Variants in KIAA1328 observed in about 807,000 individuals in gnomAD.
KIAA1328 encodes KIAA1328, also known as protein hinderin.
In KIAA1328, 52 loss-of-function variants were observed where a neutral mutation model predicts 68.1. The observed-to-expected ratio is 0.76, with a 90% CI of 0.61 to 0.96. KIAA1328 has a LOEUF of 0.96. Ranked by LOEUF, KIAA1328 falls within the 40% of genes least tolerant of loss-of-function variation. The probability of loss-of-function intolerance (pLI) is 0.00; values close to 1 mark genes in which losing one functional copy is unlikely to be tolerated. For missense variants in KIAA1328, 641 were observed against 677.6 expected (o/e 0.95, Z 0.60); for synonymous variants, 232 against 239.4 (o/e 0.97, Z 0.28).
At position 37,222,836 on chromosome 18, in the gene KIAA1328, G is replaced by T. The variant is rs1342254792; in HGVS notation, c.*609G>T. 2 of 989,614 alleles carry T rather than the reference G, an allele frequency of 2.0e-6. No homozygotes were observed. Among genetic ancestry groups the T allele is most frequent in the Non-Finnish European group, 2.4e-6 (2 of 833,036 alleles). 61.3% of individuals were successfully genotyped at this position (989,614 alleles called of 1,614,324 possible). Reference sequence around the variant, plus strand: ...CAGCTGCCCATCCCATAACCAAAGAGCTCAATGGGCTGGAGGGTGAGACCC... The same window carrying T: ...CAGCTGCCCATCCCATAACCAAAGATCTCAATGGGCTGGAGGGTGAGACCC... On this transcript the variant is annotated 3_prime_UTR_variant, in exon 10 of 10. Coordinates refer to ENST00000280020, the MANE Select transcript of KIAA1328 (RefSeq NM_020776.3).
intron 8 of KIAA1328, among the ~76,000 whole-genome samples, chr18:37,162,046 G>C (rs1198613816): frequency 1.3e-5 from 2 of 152,182 alleles, no homozygotes; most frequent in African/African-American, 4.8e-5. Context: ...CAGGGGTTCA[G>C]AACCCATTAC....
chr18:37,178,287 C>T (rs1047049594), intron 9 of KIAA1328, among the ~76,000 whole-genome samples: 1 of 152,122 alleles, frequency 6.6e-6, no homozygotes, highest in Non-Finnish European at 1.5e-5. Context: ...ATCCCACATA[C>T]AAGTGAGATT....
intron 4 of KIAA1328, among the ~76,000 whole-genome samples, chr18:36,857,381 C>G (rs1458626166): frequency 1.3e-5 from 2 of 152,194 alleles, no homozygotes; most frequent in Non-Finnish European, 2.9e-5. Flanking sequence ...GCTTGGAAAT[C>G]TGCTCTAGCC....
intron 6 of KIAA1328, among the ~76,000 whole-genome samples, chr18:37,053,427 CA>C (rs1436042399): frequency 6.6e-6 from 1 of 151,938 alleles, no homozygotes; most frequent in East Asian, 1.9e-4. Flanking sequence ...TTGGCCTAAG[CA>C]AAGAATTTAT....
intron 9 of KIAA1328, among the ~76,000 whole-genome samples, chr18:37,182,071 A>G (rs1026875215): frequency 1.3e-5 from 2 of 152,112 alleles, no homozygotes; most frequent in African/African-American, 2.4e-5. Context: ...AGGGTACTGA[A>G]CTCTGAAAAC....
intron 9 of KIAA1328, among the ~76,000 whole-genome samples, chr18:37,221,129 C>G (rs2060555092): frequency 6.6e-6 from 1 of 152,100 alleles, no homozygotes; most frequent in African/African-American, 2.4e-5. Context: ...ACCCGGCCCC[C>G]AGAATGTTTT....
At chr18:37,176,869 C>A (rs776759990) in intron 9 of KIAA1328, among the ~76,000 whole-genome samples, 9 of 152,124 alleles carry the variant, frequency 5.9e-5, no homozygotes, top group African/African-American at 2.2e-4. Flanking sequence ...TGATAATTAA[C>A]CATTTTGTGC....
intron 5 of KIAA1328, among the ~76,000 whole-genome samples, chr18:36,907,032 C>G (rs1053156784): frequency 6.6e-6 from 1 of 152,026 alleles, no homozygotes; most frequent in Non-Finnish European, 1.5e-5. Context: ...GACCGTACGT[C>G]TGTTGTCATA....
chr18:36,886,499 G>GGTGTGT (rs34886782), intron 5 of KIAA1328: 3 of 150,118 alleles, frequency 2.0e-5, no homozygotes, highest in African/African-American at 7.3e-5. Flanking sequence ...GACCTAGAGG[G>GGTGTGT]GTGTGTGTGT....
At chr18:37,187,458 A>G (rs1328844007) in intron 9 of KIAA1328, among the ~76,000 whole-genome samples, 1 of 152,226 alleles carries the variant, frequency 6.6e-6, no homozygotes, top group East Asian at 1.9e-4. Flanking sequence ...ATAGCAAGAT[A>G]GAAAGCAGAC....
At position 37,119,305 on chromosome 18, in the gene KIAA1328, A is replaced by G. The variant is rs116920560; in HGVS notation, c.1233-40895A>G. Among the ~76,000 whole-genome samples, 57 of 152,290 alleles carry G rather than the reference A, an allele frequency of 3.7e-4. No individual in the cohort carries two copies. In the East Asian group the frequency reaches 0.01, roughly 28 times the overall value. On this transcript the variant is annotated intron_variant, in intron 7 of 9. Coordinates refer to ENST00000280020, the MANE Select transcript of KIAA1328 (RefSeq NM_020776.3). Reference sequence around the variant, plus strand: ...TGAATGCTGTGGTACTAGTTTAGAGAAAAGACATTATATGTACTCATGTTT... The same window carrying G: ...TGAATGCTGTGGTACTAGTTTAGAGGAAAGACATTATATGTACTCATGTTT...
intron 7 of KIAA1328, among the ~76,000 whole-genome samples, chr18:37,078,987 C>A (rs991858797): frequency 6.6e-6 from 1 of 151,788 alleles, no homozygotes; most frequent in Admixed American, 6.6e-5. Flanking sequence ...TGGGTATATA[C>A]CCAAAGGACT....
intron 9 of KIAA1328, among the ~76,000 whole-genome samples, chr18:37,210,011 T>G (rs565197089): frequency 2.6e-5 from 4 of 152,092 alleles, no homozygotes; most frequent in Non-Finnish European, 5.9e-5. Context: ...GAAGAGGATG[T>G]TGGTGGTATG....
chr18:36,848,653 A>T (rs751481023), intron 4 of KIAA1328, among the ~76,000 whole-genome samples: 13 of 145,306 alleles, frequency 8.9e-5, no homozygotes, highest in Non-Finnish European at 1.8e-4. Flanking sequence ...CTTGATCTTA[A>T]ATCTTTCACC....
At chr18:37,005,449 A>G (rs1300180806) in intron 6 of KIAA1328, among the ~76,000 whole-genome samples, 1 of 150,156 alleles carries the variant, frequency 6.7e-6, no homozygotes, top group East Asian at 2.0e-4. Flanking sequence ...AAAAAAAACA[A>G]GTAGCAGATA....
intron 7 of KIAA1328, among the ~76,000 whole-genome samples, chr18:37,085,505 A>C (rs2057076595): frequency 6.6e-6 from 1 of 152,126 alleles, no homozygotes; most frequent in South Asian, 2.1e-4. Context: ...TAGTTATTCA[A>C]ATTGATGTTT....
chr18:37,082,016 T>TA (rs1396578544), intron 7 of KIAA1328, among the ~76,000 whole-genome samples: 1 of 152,160 alleles, frequency 6.6e-6, no homozygotes, highest in African/African-American at 2.4e-5. Flanking sequence ...CTAAGCCCTC[T>TA]ACTCTGCACA....
intron 9 of KIAA1328, among the ~76,000 whole-genome samples, chr18:37,200,704 G>C (rs566978310): frequency 6.6e-6 from 1 of 151,604 alleles, no homozygotes; most frequent in Non-Finnish European, 1.5e-5. Flanking sequence ...CCAGCTACTC[G>C]GGAGGCTGAG....
At chr18:36,913,922 T>G (rs1366023448) in intron 5 of KIAA1328, among the ~76,000 whole-genome samples, 1 of 152,208 alleles carries the variant, frequency 6.6e-6, no homozygotes. Context: ...CTTTGTGATT[T>G]TATCTTTTGG....
Sources: allele counts gnomAD v4.1 joint callset (sites outside exome capture counted in the v4.1 genomes callset), GRCh38; gene constraint gnomAD v4.1.1; transcripts MANE v1.5; gene names NCBI Gene and HGNC (gene_info 2026-07-23, HGNC 2026-07-21).